The following NBAS variants were observed in gnomAD, a reference collection of about 807,000 sequenced individuals.
The protein encoded by NBAS is NAG/BC035112 fusion.
A neutral mutation model predicts 302.5 loss-of-function variants in NBAS; 219 were observed. That is an observed-to-expected ratio of 0.72 (90% CI 0.65 to 0.81). The LOEUF is 0.81. NBAS is among the 30% of genes least tolerant of loss of function. The pLI, the probability that NBAS is intolerant of heterozygous loss-of-function variation, is 0.00. For synonymous variants in NBAS, 1,118 were observed against 1,021.6 expected, an observed-to-expected ratio of 1.09 and a Z score of -1.80; for missense variants, 2,932 against 2,841.6, an observed-to-expected ratio of 1.03 and a Z score of -0.72.
the NBAS span, among the ~76,000 whole-genome samples, chr2:15,143,642 C>A: frequency 6.6e-6 from 1 of 152,054 alleles, no homozygotes; most frequent in Non-Finnish European, 1.5e-5. Context: ...CTCCACACAC[C>A]CCTCGTATGA....
the NBAS span, among the ~76,000 whole-genome samples, chr2:15,133,416 G>T: frequency 4.6e-5 from 7 of 152,292 alleles, no homozygotes; most frequent in African/African-American, 1.4e-4. Context: ...GTATTTGGAG[G>T]AGTTGGGAGG....
chr2:15,096,133 CT>C, the NBAS span, among the ~76,000 whole-genome samples: 1 of 152,198 alleles, frequency 6.6e-6, no homozygotes, highest in African/African-American at 2.4e-5. Flanking sequence ...TCCTGGAAGC[CT>C]TTGTTTAAAA....
At chr2:14,795,528 A>T in the NBAS span, among the ~76,000 whole-genome samples, 3 of 150,874 alleles carry the variant, frequency 2.0e-5, no homozygotes, top group South Asian at 4.1e-4. Flanking sequence ...TTTGCAAATA[A>T]TTTTTTTAGC....
the NBAS span, among the ~76,000 whole-genome samples, chr2:15,011,831 A>G: frequency 6.6e-6 from 1 of 151,668 alleles, no homozygotes. Context: ...TGAAGCAACT[A>G]CACAGAGACT....
rs6716384 is a variant in NBAS, at chr2:15,468,086, A to G, written c.1878-282T>C. On this transcript the variant is annotated intron_variant, in intron 17 of 51. Transcript: ENST00000281513. ...ACATTCACTCAATGTAAAGCAGCCT[A>G]TGCTGAAAATGTCCACAGAGTTTGC... 0.61 allele frequency among the ~76,000 whole-genome samples: 92,256 copies of G among 152,040 alleles called. 28,960 individuals are homozygous for G. Among genetic ancestry groups the G allele is most frequent in the Non-Finnish European group, 0.68 (46,020 of 67,988 alleles).
At chr2:14,973,257 CT>C in the NBAS span, among the ~76,000 whole-genome samples, 12 of 152,302 alleles carry the variant, frequency 7.9e-5, no homozygotes, top group African/African-American at 2.9e-4. Context: ...TGACAGACAC[CT>C]AGTCCTAAAA....
At chr2:15,397,274 A>G (rs955531684) in intron 26 of NBAS, among the ~76,000 whole-genome samples, 3 of 152,242 alleles carry the variant, frequency 2.0e-5, no homozygotes, top group Admixed American at 6.5e-5. Flanking sequence ...CAACTGAGAA[A>G]CACTGCTGCT....
At chr2:15,389,053 C>G (rs1023460967) in intron 28 of NBAS, among the ~76,000 whole-genome samples, 10 of 152,200 alleles carry the variant, frequency 6.6e-5, no homozygotes, top group Non-Finnish European at 1.5e-4. Flanking sequence ...TAGCATCCTA[C>G]TTTAGCAACC....
At chr2:14,875,890 G>A in the NBAS span, among the ~76,000 whole-genome samples, 3 of 152,290 alleles carry the variant, frequency 2.0e-5, no homozygotes, top group South Asian at 6.2e-4. Context: ...TAGATCAATG[G>A]CTGCGTATCA....
At chr2:14,981,225 G>A in the NBAS span, among the ~76,000 whole-genome samples, 15 of 151,956 alleles carry the variant, frequency 9.9e-5, no homozygotes, top group African/African-American at 2.9e-4. Context: ...CAAAGCCCAG[G>A]GATTAGTGTA....
intron 5 of NBAS, among the ~76,000 whole-genome samples, chr2:15,552,988 A>G (rs1344855050): frequency 1.3e-5 from 2 of 152,060 alleles, no homozygotes; most frequent in Non-Finnish European, 2.9e-5. Flanking sequence ...TATTTTCAGT[A>G]GAGACGGGGT....
the NBAS span, among the ~76,000 whole-genome samples, chr2:14,786,256 TCCTTTCAAA>T: frequency 1.3e-5 from 2 of 152,106 alleles, no homozygotes; most frequent in African/African-American, 4.8e-5. Flanking sequence ...ATTTTGTTGA[TCCTTTCAAA>T]AAACCAGCTC....
chr2:15,554,354 C>T (rs1558435451), intron 3 of NBAS, among the ~76,000 whole-genome samples: 1 of 151,762 alleles, frequency 6.6e-6, no homozygotes, highest in Non-Finnish European at 1.5e-5. Flanking sequence ...GTGATGTGTT[C>T]AAAGGTATAA....
intron 38 of NBAS, among the ~76,000 whole-genome samples, chr2:15,313,588 T>C (rs1178789104): frequency 9.2e-5 from 14 of 152,258 alleles, no homozygotes; most frequent in Middle Eastern, 3.2e-3. Context: ...AAGATATTCT[T>C]AGGATAAATT....
rs140724802 is a variant in NBAS at position 15,362,990 on chromosome 2, C to T, written c.3817+3590G>A. Among the ~76,000 whole-genome samples the T allele has an allele frequency of 7.0e-4, 107 of 151,884 alleles. No homozygotes were observed. The Middle Eastern group carries it at 0.014, about 19-fold the overall frequency. The stretch of plus-strand genomic sequence containing the variant: ...GCAATCCCAACACTTTGGGAGGCTG[C>T]GACAGGTGAATTGCTTGAGCCCAGG... On this transcript the variant is annotated intron_variant, in intron 32 of 51. Transcript: ENST00000281513.
At chr2:15,287,780 C>T (rs1002973500) in intron 41 of NBAS, among the ~76,000 whole-genome samples, 4 of 151,142 alleles carry the variant, frequency 2.6e-5, no homozygotes, top group African/African-American at 7.3e-5. Flanking sequence ...TAGGCATCCC[C>T]GCATAAACAT....
the NBAS span, among the ~76,000 whole-genome samples, chr2:14,952,570 C>T: frequency 1.3e-5 from 2 of 152,166 alleles, no homozygotes; most frequent in African/African-American, 4.8e-5. Context: ...CTCCTGACGC[C>T]CAGAGGAGGG....
intron 44 of NBAS, among the ~76,000 whole-genome samples, chr2:15,251,718 G>C (rs1374959541): frequency 6.6e-6 from 1 of 152,190 alleles, no homozygotes; most frequent in Non-Finnish European, 1.5e-5. Flanking sequence ...AGGATGACCA[G>C]AGCTCACTCT....
intron 40 of NBAS, among the ~76,000 whole-genome samples, chr2:15,302,497 C>T (rs1179563600): frequency 6.6e-6 from 1 of 152,070 alleles, no homozygotes; most frequent in East Asian, 1.9e-4. Flanking sequence ...ACAGCGGCTA[C>T]CCTATGTTGT....
Sources: allele counts gnomAD v4.1 joint callset (sites outside exome capture counted in the v4.1 genomes callset), GRCh38; gene constraint gnomAD v4.1.1; transcripts MANE v1.5; gene names NCBI Gene and HGNC (gene_info 2026-07-23, HGNC 2026-07-21).